The following CCDC91 variants were observed in gnomAD, a reference collection of about 807,000 sequenced individuals.
CCDC91 encodes coiled-coil domain containing 91.
In CCDC91, 48 loss-of-function variants were observed where a neutral mutation model predicts 63.2. The observed-to-expected ratio is 0.76, with a 90% CI of 0.60 to 0.97. CCDC91 has a LOEUF of 0.97. Among genes scored for constraint, CCDC91 ranks in the 50% least tolerant of loss-of-function variants. The pLI is 0.00. For missense variants in CCDC91, 500 were observed against 494.6 expected (o/e 1.01, Z -0.10); for synonymous variants, 167 against 165.8 (o/e 1.01, Z -0.06).
intron 12 of CCDC91, among the ~76,000 whole-genome samples, chr12:28,490,529 A>G (rs907252905): frequency 5.3e-5 from 8 of 151,894 alleles, no homozygotes; most frequent in Non-Finnish European, 1.0e-4. Flanking sequence ...ATTTAGAAAA[A>G]TAACCAGTAC....
intron 7 of CCDC91, among the ~76,000 whole-genome samples, chr12:28,385,693 C>G (rs1259065428): frequency 6.6e-6 from 1 of 152,018 alleles, no homozygotes; most frequent in Admixed American, 6.6e-5. Flanking sequence ...TTTTGAAGAC[C>G]TTATTCCTTA....
At chr12:28,403,616 T>G (rs1946765561) in intron 8 of CCDC91, among the ~76,000 whole-genome samples, 1 of 152,086 alleles carries the variant, frequency 6.6e-6, no homozygotes, top group African/African-American at 2.4e-5. Context: ...CCTAATACCA[T>G]GAACTTGGTG....
chr12:28,347,183 C>G (rs1159912167), intron 6 of CCDC91, among the ~76,000 whole-genome samples: 1 of 152,138 alleles, frequency 6.6e-6, no homozygotes, highest in Non-Finnish European at 1.5e-5. Flanking sequence ...TGCAGATTTC[C>G]TATCAATCTT....
chr12:28,480,750 A>G (rs377584871), intron 11 of CCDC91, among the ~76,000 whole-genome samples: 3 of 152,040 alleles, frequency 2.0e-5, no homozygotes, highest in East Asian at 3.9e-4. Context: ...AAACAACCAC[A>G]TAGTACTATG....
chr12:28,255,373 C>A (rs1278017456), intron 1 of CCDC91, among the ~76,000 whole-genome samples: 1 of 152,132 alleles, frequency 6.6e-6, no homozygotes, highest in African/African-American at 2.4e-5. Flanking sequence ...TCTTCAGATT[C>A]ATGGGATACA....
At chr12:28,289,478 A>T (rs908861144) in intron 3 of CCDC91, among the ~76,000 whole-genome samples, 1 of 151,912 alleles carries the variant, frequency 6.6e-6, no homozygotes. Context: ...ATTTTCATGT[A>T]TTTGAATGGT....
At chr12:28,384,306 A>C (rs1437186573) in intron 7 of CCDC91, among the ~76,000 whole-genome samples, 1 of 152,162 alleles carries the variant, frequency 6.6e-6, no homozygotes, top group African/African-American at 2.4e-5. Flanking sequence ...GCTTGCAAGA[A>C]CATGTAAAAA....
chr12:28,541,523 T>A (rs2141814812), intron 12 of CCDC91, among the ~76,000 whole-genome samples: 1 of 152,262 alleles, frequency 6.6e-6, no homozygotes, highest in East Asian at 1.9e-4. Flanking sequence ...ACAGATATTG[T>A]TCTTTAGATT....
At chr12:28,538,766 C>G (rs993837109) in intron 12 of CCDC91, among the ~76,000 whole-genome samples, 1 of 151,986 alleles carries the variant, frequency 6.6e-6, no homozygotes, top group Non-Finnish European at 1.5e-5. Flanking sequence ...TCTCCAGCAC[C>G]TCTTGTTTCC....
chr12:28,329,263 G>A (rs1419431864), intron 6 of CCDC91, among the ~76,000 whole-genome samples: 3 of 152,116 alleles, frequency 2.0e-5, no homozygotes, highest in African/African-American at 7.2e-5. Context: ...TAAAGTCTAT[G>A]TCCTTTGGTT....
chr12:28,425,312 C>T (rs941636151), intron 8 of CCDC91, among the ~76,000 whole-genome samples: 5 of 152,238 alleles, frequency 3.3e-5, no homozygotes, highest in Middle Eastern at 3.4e-3. Flanking sequence ...GTCAAACCTC[C>T]TTATTGGAAG....
chr12:28,247,060 C>T (rs371026661), intron 1 of CCDC91, among the ~76,000 whole-genome samples: 16 of 152,254 alleles, frequency 1.1e-4, no homozygotes, highest in African/African-American at 3.6e-4. Flanking sequence ...CCAGAGAAAG[C>T]GTAGTGATTT....
At chr12:28,416,878 A>T (rs531682872) in intron 8 of CCDC91, among the ~76,000 whole-genome samples, 1 of 152,206 alleles carries the variant, frequency 6.6e-6, no homozygotes, top group Non-Finnish European at 1.5e-5. Context: ...AGTATTATGT[A>T]TATGAATATA....
chr12:28,407,228 C>T (rs918522754), intron 8 of CCDC91, among the ~76,000 whole-genome samples: 20 of 152,092 alleles, frequency 1.3e-4, no homozygotes, highest in East Asian at 5.8e-4. Context: ...TGAAGAACAG[C>T]GAGCCCATTA....
At chr12:28,337,164 A>G (rs1439954760) in intron 6 of CCDC91, among the ~76,000 whole-genome samples, 1 of 152,138 alleles carries the variant, frequency 6.6e-6, no homozygotes, top group Non-Finnish European at 1.5e-5. Context: ...AATTTATTGC[A>G]TACTTTTGAA....
chr12:28,443,826 T>C (rs1949359677), intron 8 of CCDC91, among the ~76,000 whole-genome samples: 1 of 151,996 alleles, frequency 6.6e-6, no homozygotes. Context: ...AAATGGAAAA[T>C]AAATACAAAG....
intron 6 of CCDC91, among the ~76,000 whole-genome samples, chr12:28,359,782 C>CTTTCTTTTTTTTTTTTTTTTTTTTT (rs1565853546): frequency 3.9e-5 from 6 of 152,086 alleles, no homozygotes; most frequent in African/African-American, 1.4e-4. Context: ...CAGAATATTT[C>CTTTCTTTTTTTTTTTTTTTTTTTTT]TATTTACTTT....
intron 8 of CCDC91, among the ~76,000 whole-genome samples, chr12:28,427,602 AT>A (rs894212401): frequency 1.3e-5 from 2 of 152,028 alleles, no homozygotes; most frequent in South Asian, 2.1e-4. Flanking sequence ...TAATTGAAAT[AT>A]TTTTACCAGT....
At chr12:28,285,452 C>G (rs1948853865) in intron 3 of CCDC91, among the ~76,000 whole-genome samples, 1 of 151,832 alleles carries the variant, frequency 6.6e-6, no homozygotes, top group South Asian at 2.1e-4. Flanking sequence ...CTGGAATACT[C>G]AAGGTCCATT....
Sources: allele counts gnomAD v4.1 joint callset (sites outside exome capture counted in the v4.1 genomes callset), GRCh38; gene constraint gnomAD v4.1.1; transcripts MANE v1.5; gene names NCBI Gene and HGNC (gene_info 2026-07-23, HGNC 2026-07-21).